PHEX: variants seen among roughly 807,000 people sequenced by gnomAD.
PHEX encodes the protein phosphate-regulating neutral endopeptidase PHEX.
Under a neutral mutation model 68.0 loss-of-function variants are expected in PHEX, and 16 were observed. The ratio of observed to expected loss-of-function variants is 0.24; its 90% CI spans 0.16 to 0.36. The LOEUF is 0.36. Among genes scored for constraint, PHEX ranks in the 10% least tolerant of loss-of-function variants. PHEX has a pLI of 1.00. For missense variants in PHEX, 480 were observed against 575.5 expected (o/e 0.83, Z 1.70); for synonymous variants, 208 against 205.1 (o/e 1.01, Z -0.12).
intron 3 of PHEX, among the ~76,000 whole-genome samples, chrX:22,050,117 G>A: frequency 8.9e-6 from 1 of 112,340 alleles, no homozygotes. Flanking sequence ...GGCCCAAAAA[G>A]CCTAAAATAT....
chrX:22,101,467 A>G (rs927705121), intron 9 of PHEX, among the ~76,000 whole-genome samples: 2 of 112,112 alleles, frequency 1.8e-5, no homozygotes, highest in African/African-American at 3.2e-5. Flanking sequence ...AGTTGCTATA[A>G]CCAGCACCTC....
intron 3 of PHEX, among the ~76,000 whole-genome samples, chrX:22,059,756 C>G (rs1388273476): frequency 9.0e-6 from 1 of 111,382 alleles, no homozygotes; most frequent in African/African-American, 3.3e-5. Flanking sequence ...ATTACGTGGC[C>G]TCATGGGTCC....
At chrX:22,204,117 A>G (rs191165640) in intron 15 of PHEX, among the ~76,000 whole-genome samples, 1 of 111,256 alleles carries the variant, frequency 9.0e-6, no homozygotes, top group Admixed American at 9.6e-5. Flanking sequence ...GATATAAACC[A>G]ATGGGTCCCA....
At chrX:22,170,071 G>C (rs756827352) in intron 13 of PHEX, among the ~76,000 whole-genome samples, 2 of 111,987 alleles carry the variant, frequency 1.8e-5, no homozygotes, top group Non-Finnish European at 3.8e-5. Flanking sequence ...AGACTCAAGC[G>C]TGAATTTCTA....
At chrX:22,033,533 A>G (rs1024719994) in intron 1 of PHEX, among the ~76,000 whole-genome samples, 2 of 112,474 alleles carry the variant, frequency 1.8e-5, no homozygotes, top group African/African-American at 6.5e-5. Flanking sequence ...TTTGACTTTT[A>G]TTAATGTTTG....
chrX:22,217,148 T>C (rs1004130083), intron 16 of PHEX, among the ~76,000 whole-genome samples: 2 of 111,942 alleles, frequency 1.8e-5, no homozygotes, highest in African/African-American at 6.5e-5. Context: ...GAGGACCAAG[T>C]ACTTATTCTC....
intron 9 of PHEX, among the ~76,000 whole-genome samples, chrX:22,101,271 C>T (rs781547417): frequency 7.2e-4 from 81 of 112,496 alleles, no homozygotes; most frequent in Non-Finnish European, 1.2e-3. Flanking sequence ...TTGTGTTCTG[C>T]GTATTCTTGT....
chrX:22,138,836 T>C (rs368431664), intron 12 of PHEX, among the ~76,000 whole-genome samples: 1 of 112,134 alleles, frequency 8.9e-6, no homozygotes, highest in East Asian at 2.8e-4. Flanking sequence ...CCAGGGACAG[T>C]GACTGGTAGA....
chrX:22,053,855 A>T (rs1927951699), intron 3 of PHEX, among the ~76,000 whole-genome samples: 1 of 112,233 alleles, frequency 8.9e-6, no homozygotes, highest in Non-Finnish European at 1.9e-5. Flanking sequence ...GAAAGAGATG[A>T]TTGTGATTCA....
chrX:22,159,492 A>AAACAAC (rs58499708), intron 12 of PHEX, among the ~76,000 whole-genome samples: 2 of 111,576 alleles, frequency 1.8e-5, no homozygotes, highest in Non-Finnish European at 3.8e-5. Flanking sequence ...ACAAAAAGGA[A>AAACAAC]AACAACAACA....
At chrX:22,082,190 A>G (rs1340077041) in intron 5 of PHEX, among the ~76,000 whole-genome samples, 1 of 112,318 alleles carries the variant, frequency 8.9e-6, no homozygotes, top group East Asian at 2.8e-4. Flanking sequence ...TGATACATTC[A>G]TATAATCAAA....
chrX:22,100,697 C>T (rs1362837192), intron 9 of PHEX, among the ~76,000 whole-genome samples: 1 of 111,590 alleles, frequency 9.0e-6, no homozygotes, highest in Non-Finnish European at 1.9e-5. Flanking sequence ...GATGATTTTA[C>T]TTGGTAATTG....
intron 20 of PHEX, among the ~76,000 whole-genome samples, chrX:22,242,247 T>C (rs1017682644): frequency 8.9e-6 from 1 of 111,867 alleles, no homozygotes; most frequent in Non-Finnish European, 1.9e-5. Flanking sequence ...CTAAAAACTC[T>C]CAATAAACTA....
At chrX:22,224,962 C>G in intron 18 of PHEX, among the ~76,000 whole-genome samples, 1 of 113,512 alleles carries the variant, frequency 8.8e-6, no homozygotes, top group African/African-American at 3.2e-5. Flanking sequence ...TCATACAGCG[C>G]TGTATGATTT....
intron 16 of PHEX, among the ~76,000 whole-genome samples, chrX:22,216,987 A>G (rs913621317): frequency 2.7e-5 from 3 of 112,214 alleles, no homozygotes; most frequent in Non-Finnish European, 5.6e-5. Context: ...AAATGATTCA[A>G]TCATTTTCTG....
intron 3 of PHEX, among the ~76,000 whole-genome samples, chrX:22,075,170 A>C (rs1929095137): frequency 9.1e-6 from 1 of 110,314 alleles, no homozygotes; most frequent in Non-Finnish European, 1.9e-5. Context: ...GAAATAATTG[A>C]AAATACTCAC....
chrX:22,032,978 T>A lies in PHEX; in HGVS notation c.-28T>A. 9.0e-7 allele frequency: 1 copy of A among 1,115,314 alleles called. No homozygotes were observed. The highest frequency in any genetic ancestry group is 1.2e-6 in the Non-Finnish European group (1 of 807,818). 91.9% of individuals were successfully genotyped at this position (1,115,314 alleles called of 1,213,427 possible). A position where few individuals can be genotyped will look rare whatever the true frequency, so the allele number is the denominator to read the frequency against. On this transcript the variant is annotated 5_prime_UTR_variant, in exon 1 of 22. Coordinates refer to ENST00000379374, the MANE Select transcript of PHEX (RefSeq NM_000444.6). ...CACCAAACCACGAAAAGTGACTTTC[T>A]TCTCGTGTGCTCTCTACGGCCCTTC...
chrX:22,145,664 C>A (rs752416728), intron 12 of PHEX, among the ~76,000 whole-genome samples: 4 of 110,057 alleles, frequency 3.6e-5, no homozygotes, highest in African/African-American at 1.3e-4. Context: ...TGCAGCCAGG[C>A]TTGAAACCAC....
At position 22,167,102 on chromosome X, in the gene PHEX, A is replaced by G. The variant is rs142025039; in HGVS notation, c.1405-1210A>G. On this transcript the variant is annotated intron_variant, in intron 12 of 21. Transcript: ENST00000379374. ...CTTGGCTATTTTGAATAGTGCTTCA[A>G]TGAACATGGAGGCACTCTCTTTAGC... Among the ~76,000 whole-genome samples, 1,499 of 112,052 alleles carry G rather than the reference A, an allele frequency of 0.013. 77 individuals are homozygous for G. In the East Asian group the frequency reaches 0.24, roughly 18 times the overall value.
Sources: gnomAD v4.1 joint callset for allele counts (sites outside exome capture counted in the v4.1 genomes callset) on GRCh38, gnomAD v4.1.1 for gene constraint, MANE v1.5 for transcripts, NCBI Gene and HGNC (gene_info 2026-07-23, HGNC 2026-07-21) for gene names.